The following PARM1 variants were observed in gnomAD, a reference collection of about 807,000 sequenced individuals.
PARM1 encodes prostate androgen-regulated mucin-like protein 1, also known as WSC4, cell wall integrity and stress response component 4 homolog.
Under a neutral mutation model 24.6 loss-of-function variants are expected in PARM1, and 14 were observed. That is an observed-to-expected ratio of 0.57 (90% CI 0.38 to 0.89). The LOEUF is 0.89. PARM1 is among the 40% of genes least tolerant of loss of function. PARM1 has a pLI of 0.00. For missense variants in PARM1, 362 were observed against 380.4 expected, an observed-to-expected ratio of 0.95 and a Z score of 0.40; for synonymous variants, 179 against 156.6, an observed-to-expected ratio of 1.14 and a Z score of -1.07.
chr4:74,983,612 T>G (rs1213611139), intron 1 of PARM1, among the ~76,000 whole-genome samples: 5 of 152,204 alleles, frequency 3.3e-5, no homozygotes, highest in African/African-American at 1.2e-4. Context: ...CATGGCTCTA[T>G]TCCTTCAACA....
At chr4:75,037,080 C>T (rs958743021) in intron 3 of PARM1, among the ~76,000 whole-genome samples, 9 of 152,108 alleles carry the variant, frequency 5.9e-5, no homozygotes, top group Non-Finnish European at 1.2e-4. Flanking sequence ...GCCAGGTTGT[C>T]GGAAAGCCCC....
chr4:74,946,877 CATAAT>C (rs918565739), intron 1 of PARM1, among the ~76,000 whole-genome samples: 1 of 152,078 alleles, frequency 6.6e-6, no homozygotes, highest in Non-Finnish European at 1.5e-5. Context: ...ATTTTGAAAA[CATAAT>C]AGATGAGTAG....
chr4:74,989,450 C>T (rs1468876805), intron 1 of PARM1, among the ~76,000 whole-genome samples: 3 of 152,126 alleles, frequency 2.0e-5, no homozygotes, highest in Non-Finnish European at 2.9e-5. Context: ...AGATGAACAG[C>T]CAAATAAAGA....
intron 1 of PARM1, among the ~76,000 whole-genome samples, chr4:74,947,519 G>A (rs962127740): frequency 6.6e-6 from 1 of 152,108 alleles, no homozygotes; most frequent in Admixed American, 6.5e-5. Flanking sequence ...TTTGTAAGAC[G>A]ATGGTGAATT....
chr4:75,014,601 A>G (rs1560792654), intron 2 of PARM1, among the ~76,000 whole-genome samples: 2 of 152,000 alleles, frequency 1.3e-5, no homozygotes, highest in Non-Finnish European at 2.9e-5. Context: ...GGGAATGACT[A>G]CTCTGCCCTC....
chr4:74,962,676 T>A (rs773991211), intron 1 of PARM1, among the ~76,000 whole-genome samples: 3 of 152,194 alleles, frequency 2.0e-5, no homozygotes, highest in Non-Finnish European at 4.4e-5. Context: ...AAAAATACTG[T>A]TTTATTCCAT....
intron 2 of PARM1, among the ~76,000 whole-genome samples, chr4:75,020,037 A>G (rs1723062586): frequency 6.7e-6 from 1 of 150,094 alleles, no homozygotes; most frequent in Non-Finnish European, 1.5e-5. Context: ...AAAAAAAAAA[A>G]GAAAATTTCA....
chr4:74,976,428 G>A (rs1722139214), intron 1 of PARM1, among the ~76,000 whole-genome samples: 1 of 152,182 alleles, frequency 6.6e-6, no homozygotes, highest in South Asian at 2.1e-4. Context: ...CTAGCCAGGG[G>A]TTTACAGACA....
In PARM1 at chr4:75,047,222, C is replaced by G. The variant is rs1435928144; in HGVS notation, c.*975C>G. 6.6e-6 allele frequency: 1 copy of G among 152,198 alleles called. No homozygotes were observed. The highest frequency in any genetic ancestry group is 1.5e-5 in the Non-Finnish European group (1 of 68,048). 9.4% of individuals were successfully genotyped at this position (152,198 alleles called of 1,614,324 possible). A position where few individuals can be genotyped will look rare whatever the true frequency, so the allele number is the denominator to read the frequency against. ...AGAGACCGTTTGCTTTATACCCACA[C>G]AGCAACTGGTCCACTGCTTTACTGT... is the stretch of plus-strand genomic sequence containing the variant. On this transcript the variant is annotated 3_prime_UTR_variant, in exon 4 of 4. Transcript: ENST00000307428.
At chr4:74,951,575 G>A (rs566847923) in intron 1 of PARM1, among the ~76,000 whole-genome samples, 1 of 152,188 alleles carries the variant, frequency 6.6e-6, no homozygotes, top group Non-Finnish European at 1.5e-5. Context: ...TTCTCCTAAT[G>A]CTGTCCCTCC....
chr4:74,994,219 AT>A lies in PARM1; in HGVS notation c.44-18204del, dbSNP rs370140056. On this transcript the variant is annotated intron_variant, in intron 1 of 3. Transcript: ENST00000307428. ...TTTCCTGAAAACTCCCAAGAGACAA[AT>A]TCCTAAAAATCAAAAACATAATTAC... The A allele has an allele frequency of 3.4e-3, 523 of 152,266 alleles. 3 individuals are homozygous for A. Among genetic ancestry groups the A allele is most frequent in the African/African-American group, 0.012 (512 of 41,540 alleles). 9.4% of individuals were successfully genotyped at this position (152,266 alleles called of 1,614,324 possible).
intron 1 of PARM1, among the ~76,000 whole-genome samples, chr4:74,953,160 T>G (rs981848437): frequency 6.6e-6 from 1 of 152,232 alleles, no homozygotes; most frequent in African/African-American, 2.4e-5. Flanking sequence ...CATGTTCTTT[T>G]GGAATCACAG....
In PARM1 at chr4:75,049,627, G is replaced by A. The variant is rs543132702; in HGVS notation, c.*3380G>A. On this transcript the variant is annotated 3_prime_UTR_variant, in exon 4 of 4. Coordinates refer to ENST00000307428, the MANE Select transcript of PARM1 (RefSeq NM_015393.4). ...CTTGGATCAGAATCAGGAGATTAGG[G>A]AAAACAGGATGGATACCTGAGCACT... 6.5e-6 allele frequency: 1 copy of A among 152,718 alleles called. No individual in the cohort carries two copies. The highest frequency in any genetic ancestry group is 1.9e-4 in the East Asian group (1 of 5,170). The allele number at this position is 152,718 out of a possible 1,614,324, so 9.5% of individuals were successfully genotyped here.
At chr4:75,024,973 G>A (rs1723157182) in intron 2 of PARM1, among the ~76,000 whole-genome samples, 1 of 152,218 alleles carries the variant, frequency 6.6e-6, no homozygotes, top group Non-Finnish European at 1.5e-5. Flanking sequence ...GGGATTACAG[G>A]CGTAAGCCAC....
At chr4:74,961,983 G>A (rs1304148017) in intron 1 of PARM1, among the ~76,000 whole-genome samples, 2 of 152,090 alleles carry the variant, frequency 1.3e-5, no homozygotes, top group Admixed American at 1.3e-4. Flanking sequence ...TGATTTAAGA[G>A]ACTAATGCTT....
chr4:74,993,310 C>T, intron 1 of PARM1, among the ~76,000 whole-genome samples: 1 of 152,116 alleles, frequency 6.6e-6, no homozygotes, highest in South Asian at 2.1e-4. Context: ...ATCACCAGGG[C>T]CTGAATTCTG....
At chr4:74,948,150 G>A (rs1475485170) in intron 1 of PARM1, among the ~76,000 whole-genome samples, 4 of 152,116 alleles carry the variant, frequency 2.6e-5, no homozygotes, top group Admixed American at 2.0e-4. Context: ...AGCCCTACTA[G>A]TCTTTCAGCT....
chr4:75,041,550 G>A (rs1278513555), intron 3 of PARM1, among the ~76,000 whole-genome samples: 1 of 152,150 alleles, frequency 6.6e-6, no homozygotes, highest in Admixed American at 6.5e-5. Flanking sequence ...AAAGGACAAG[G>A]TATTTCCTAA....
chr4:74,952,982 AT>A lies in PARM1; in HGVS notation c.43+19614del, dbSNP rs1300434750. Among the ~76,000 whole-genome samples, 4 of 152,246 alleles carry A rather than the reference AT, an allele frequency of 2.6e-5. No individual in the cohort carries two copies. In the South Asian group the frequency reaches 6.2e-4, roughly 24 times the overall value. On this transcript the variant is annotated intron_variant, in intron 1 of 3. Transcript: ENST00000307428. The stretch of plus-strand genomic sequence containing the variant: ...TTAAGAGAAAATTAACATTCAATAG[AT>A]TAATACATTTTCTGGAGCATCTAAA...
Sources: allele counts gnomAD v4.1 joint callset (sites outside exome capture counted in the v4.1 genomes callset), GRCh38; gene constraint gnomAD v4.1.1; transcripts MANE v1.5; gene names NCBI Gene and HGNC (gene_info 2026-07-23, HGNC 2026-07-21).